The following PTPRG variants were observed in gnomAD, a reference collection of about 807,000 sequenced individuals.
PTPRG encodes receptor-type tyrosine-protein phosphatase gamma.
In PTPRG, 102 loss-of-function variants were observed where a neutral mutation model predicts 165.3. That is an observed-to-expected ratio of 0.62 (90% CI 0.53 to 0.73). The LOEUF is 0.73. Among genes scored for constraint, PTPRG ranks in the 30% least tolerant of loss-of-function variants. The pLI is 0.00. For missense variants in PTPRG, 1,866 were observed against 1,861.4 expected, an observed-to-expected ratio of 1.00 and a Z score of -0.05; for synonymous variants, 675 against 669.5, an observed-to-expected ratio of 1.01 and a Z score of -0.13.
At position 62,249,943 on chromosome 3, in the gene PTPRG, C is replaced by G. The variant is rs192340585; in HGVS notation, c.2468-5181C>G. 1.3e-3 allele frequency among the ~76,000 whole-genome samples: 193 copies of G among 152,206 alleles called. 3 individuals carry two copies. The highest frequency in any genetic ancestry group is 0.011 in the Admixed American group (170 of 15,276). On this transcript the variant is annotated intron_variant, in intron 15 of 29. Coordinates refer to ENST00000474889, the MANE Select transcript of PTPRG (RefSeq NM_002841.4). ...AGTAGCCTTGGCAAGCTTCTTGGTC[C>G]CTGTTAGGCAGTTTCCTCATCTAGA...
intron 1 of PTPRG, among the ~76,000 whole-genome samples, chr3:61,622,162 T>G (rs560542605): frequency 1.3e-5 from 2 of 152,312 alleles, no homozygotes; most frequent in Non-Finnish European, 2.9e-5. Context: ...TCACTTTATT[T>G]TGTGGTTGAC....
At chr3:61,712,801 T>C (rs1329478757) in intron 1 of PTPRG, among the ~76,000 whole-genome samples, 6 of 152,206 alleles carry the variant, frequency 3.9e-5, no homozygotes, top group Non-Finnish European at 8.8e-5. Flanking sequence ...TGCTTATGCA[T>C]ACTTTTATCT....
At chr3:61,645,017 G>A (rs1301835614) in intron 1 of PTPRG, among the ~76,000 whole-genome samples, 1 of 152,096 alleles carries the variant, frequency 6.6e-6, no homozygotes, top group Non-Finnish European at 1.5e-5. Flanking sequence ...AATTGAAGAG[G>A]CTCCTGATCT....
chr3:61,760,334 T>G (rs1388291567), intron 2 of PTPRG, among the ~76,000 whole-genome samples: 1 of 152,216 alleles, frequency 6.6e-6, no homozygotes, highest in African/African-American at 2.4e-5. Context: ...TTAAAATCTT[T>G]AAATAAATAC....
chr3:62,143,826 C>A (rs1024133460), intron 6 of PTPRG, among the ~76,000 whole-genome samples: 3 of 152,144 alleles, frequency 2.0e-5, no homozygotes, highest in African/African-American at 7.2e-5. Context: ...AGCTGTGTGA[C>A]CCCAGTACAA....
intron 1 of PTPRG, among the ~76,000 whole-genome samples, chr3:61,593,588 G>A (rs916412649): frequency 4.6e-4 from 70 of 151,894 alleles, no homozygotes; most frequent in African/African-American, 1.6e-3. Context: ...AGATGAATGA[G>A]GTTCTTATAA....
chr3:62,052,425 C>T (rs887901339), intron 4 of PTPRG, among the ~76,000 whole-genome samples: 9 of 152,130 alleles, frequency 5.9e-5, no homozygotes, highest in African/African-American at 1.7e-4. Flanking sequence ...CCAGGCATAG[C>T]GGCTGATGCC....
chr3:62,283,549 T>C (rs748362666), intron 28 of PTPRG, among the ~76,000 whole-genome samples: 5 of 152,144 alleles, frequency 3.3e-5, no homozygotes, highest in Non-Finnish European at 7.4e-5. Context: ...AGTTGTATAA[T>C]TGAATCGTTT....
chr3:61,925,883 C>T (rs1473909190), intron 2 of PTPRG: 1 of 497,358 alleles, frequency 2.0e-6, no homozygotes, highest in Non-Finnish European at 4.0e-6. Context: ...CATTACTGTT[C>T]CAACAAAATC....
At chr3:61,609,913 C>T (rs1701120696) in intron 1 of PTPRG, among the ~76,000 whole-genome samples, 1 of 151,780 alleles carries the variant, frequency 6.6e-6, no homozygotes, top group Non-Finnish European at 1.5e-5. Flanking sequence ...ATTATTCTTT[C>T]CAACTTTTTT....
intron 2 of PTPRG, among the ~76,000 whole-genome samples, chr3:61,959,533 T>A (rs548364615): frequency 6.6e-6 from 1 of 152,318 alleles, no homozygotes; most frequent in South Asian, 2.1e-4. Flanking sequence ...GAGGCGGAGC[T>A]CAGGCAGTAA....
chr3:61,658,805 C>T (rs1042577195), intron 1 of PTPRG, among the ~76,000 whole-genome samples: 4 of 152,078 alleles, frequency 2.6e-5, no homozygotes, highest in African/African-American at 4.8e-5. Context: ...CTCCCAGGTC[C>T]GTATTTTTTG....
At chr3:62,137,730 A>C (rs1311813477) in intron 6 of PTPRG, among the ~76,000 whole-genome samples, 1 of 152,136 alleles carries the variant, frequency 6.6e-6, no homozygotes, top group East Asian at 1.9e-4. Flanking sequence ...TGAGCTGGTC[A>C]TCACTCGTTG....
chr3:62,183,925 C>T (rs1362826078), intron 8 of PTPRG, among the ~76,000 whole-genome samples: 2 of 152,182 alleles, frequency 1.3e-5, no homozygotes, highest in Non-Finnish European at 2.9e-5. Flanking sequence ...TTATTAGCAT[C>T]TTGAAGATAG....
At chr3:62,162,884 G>C (rs1034747197) in intron 7 of PTPRG, among the ~76,000 whole-genome samples, 1 of 152,166 alleles carries the variant, frequency 6.6e-6, no homozygotes, top group Non-Finnish European at 1.5e-5. Flanking sequence ...TCCCGTGCCT[G>C]CATTAGTCCA....
chr3:62,011,061 C>T (rs778969045), intron 4 of PTPRG, among the ~76,000 whole-genome samples: 10 of 152,176 alleles, frequency 6.6e-5, no homozygotes, highest in Non-Finnish European at 1.0e-4. Flanking sequence ...AATACCCTGG[C>T]TTGTATCTAA....
intron 15 of PTPRG, among the ~76,000 whole-genome samples, chr3:62,250,613 T>C (rs1435205285): frequency 1.3e-5 from 2 of 152,214 alleles, no homozygotes; most frequent in African/African-American, 4.8e-5. Flanking sequence ...TGTTGGTGAT[T>C]TCCCTCTAAC....
At chr3:61,698,157 T>C (rs142320990) in intron 1 of PTPRG, among the ~76,000 whole-genome samples, 1 of 152,326 alleles carries the variant, frequency 6.6e-6, no homozygotes, top group African/African-American at 2.4e-5. Flanking sequence ...TTTCTCTTGT[T>C]AATCTGCCTT....
chr3:62,246,774 C>T (rs1228417602), intron 15 of PTPRG, among the ~76,000 whole-genome samples: 1 of 152,008 alleles, frequency 6.6e-6, no homozygotes, highest in Admixed American at 6.6e-5. Flanking sequence ...ATTTATTCTA[C>T]CCATTCAATC....
Sources: gnomAD v4.1 joint callset for allele counts (sites outside exome capture counted in the v4.1 genomes callset) on GRCh38, gnomAD v4.1.1 for gene constraint, MANE v1.5 for transcripts, NCBI Gene and HGNC (gene_info 2026-07-23, HGNC 2026-07-21) for gene names.